Variants in IL1RAPL1 observed in about 807,000 individuals in gnomAD.
IL1RAPL1 encodes the protein interleukin 1 receptor accessory protein like 1.
A neutral mutation model predicts 48.4 loss-of-function variants in IL1RAPL1; 3 were observed. The observed-to-expected ratio is 0.06, with a 90% CI of 0.03 to 0.16. IL1RAPL1 has a LOEUF of 0.16. IL1RAPL1 is among the 10% of genes least tolerant of loss of function. The pLI is 1.00. For synonymous variants in IL1RAPL1, 185 were observed against 187.7 expected (o/e 0.99, Z 0.12); for missense variants, 349 against 530.6 (o/e 0.66, Z 3.36).
rs1236671207 is a variant in IL1RAPL1, at chrX:29,861,876, A to G, written c.779-55588A>G. ...AATCTAAAATGTTCAGTCTTGGTCC[A>G]ATAATAAACACACTCACTGAAACAC... On this transcript the variant is annotated intron_variant, in intron 6 of 10. Coordinates refer to ENST00000378993, the MANE Select transcript of IL1RAPL1 (RefSeq NM_014271.4). 4.5e-5 allele frequency among the ~76,000 whole-genome samples: 5 copies of G among 110,957 alleles called. No homozygotes were observed. In the East Asian group the frequency reaches 1.4e-3, roughly 31 times the overall value.
intron 1 of IL1RAPL1, among the ~76,000 whole-genome samples, chrX:28,654,779 T>C (rs1442819787): frequency 1.8e-5 from 2 of 112,232 alleles, no homozygotes; most frequent in Non-Finnish European, 3.8e-5. Flanking sequence ...AAACATTTTC[T>C]GTAATTAAAG....
Position 28,831,026 on chromosome X carries a change from CTGTGTGTGTGTGTG to C in IL1RAPL1, c.82+41639_82+41652del, listed in dbSNP as rs57923954. The stretch of plus-strand genomic sequence containing the variant: ...TCTCTCTCTCTCTCTCTCTCTCTCT[CTGTGTGTGTGTGTG>C]TGTGTGTGTGTGTGTGTGTGTGTGT... On this transcript the variant is annotated intron_variant, in intron 2 of 10. Coordinates refer to ENST00000378993, the MANE Select transcript of IL1RAPL1 (RefSeq NM_014271.4). Among the ~76,000 whole-genome samples the C allele has an allele frequency of 6.3e-3, 212 of 33,616 alleles. 2 individuals carry two copies. The highest frequency in any genetic ancestry group is 0.024 in the African/African-American group (158 of 6,626). 29.2% of individuals were successfully genotyped at this position (33,616 alleles called of 115,157 possible).
intron 6 of IL1RAPL1, among the ~76,000 whole-genome samples, chrX:29,778,665 A>G (rs1340632948): frequency 4.5e-5 from 5 of 112,172 alleles, no homozygotes; most frequent in African/African-American, 1.3e-4. Context: ...AAACTCTCCA[A>G]TGAGAATGTC....
intron 5 of IL1RAPL1, among the ~76,000 whole-genome samples, chrX:29,504,225 T>G (rs1365247553): frequency 9.0e-6 from 1 of 111,563 alleles, no homozygotes; most frequent in African/African-American, 3.3e-5. Flanking sequence ...TTTTCTGAAT[T>G]TGTTGAGGCT....
intron 5 of IL1RAPL1, among the ~76,000 whole-genome samples, chrX:29,449,780 C>CACACACACACACACACACAGAGAGAG (rs557765024): frequency 6.9e-5 from 4 of 58,247 alleles, no homozygotes; most frequent in South Asian, 1.2e-3. Context: ...CACACACACA[C>CACACACACACACACACACAGAGAGAG]AGAGAGAGAG....
At chrX:29,682,319 G>A (rs143341858) in intron 6 of IL1RAPL1, among the ~76,000 whole-genome samples, 369 of 110,679 alleles carry the variant, frequency 3.3e-3, no homozygotes, top group Non-Finnish European at 5.7e-3. Flanking sequence ...TTAAGCCCAC[G>A]CCACTGACCA....
chrX:29,798,172 T>C (rs1940778096), intron 6 of IL1RAPL1, among the ~76,000 whole-genome samples: 1 of 112,002 alleles, frequency 8.9e-6, no homozygotes, highest in Non-Finnish European at 1.9e-5. Flanking sequence ...TTATCAGGCC[T>C]GAGCCCCTCT....
At chrX:28,696,183 C>T (rs993910331) in intron 1 of IL1RAPL1, among the ~76,000 whole-genome samples, 4 of 111,112 alleles carry the variant, frequency 3.6e-5, no homozygotes, top group Middle Eastern at 4.6e-3. Context: ...TTCTCCCTCT[C>T]CATCCCTTTC....
At chrX:29,347,820 T>C (rs1244905411) in intron 3 of IL1RAPL1, among the ~76,000 whole-genome samples, 1 of 111,379 alleles carries the variant, frequency 9.0e-6, no homozygotes, top group African/African-American at 3.3e-5. Flanking sequence ...AAAATAGAGG[T>C]TACTTGAGCA....
At chrX:28,588,894 T>G (rs1952826344) in intron 1 of IL1RAPL1, among the ~76,000 whole-genome samples, 1 of 111,908 alleles carries the variant, frequency 8.9e-6, no homozygotes, top group Non-Finnish European at 1.9e-5. Context: ...GTCCTTTTAT[T>G]GCAATGCAGC....
At chrX:29,307,750 G>A (rs1295618829) in intron 3 of IL1RAPL1, among the ~76,000 whole-genome samples, 2 of 111,884 alleles carry the variant, frequency 1.8e-5, no homozygotes, top group African/African-American at 6.5e-5. Context: ...TATAGTAAGA[G>A]ACACAATCAA....
rs140020691 is a variant in IL1RAPL1, at chrX:28,957,430, C to T, written c.82+168005C>T. Among the ~76,000 whole-genome samples the T allele has an allele frequency of 2.6e-3, 287 of 111,365 alleles. 2 individuals are homozygous for T. The highest frequency in any genetic ancestry group is 8.5e-3 in the African/African-American group (261 of 30,704). On this transcript the variant is annotated intron_variant, in intron 2 of 10. Transcript: ENST00000378993. ...AAATATTTTAAGAATTTTAATCAAG[C>T]GCTTCTCAAGATATGATTAACTTCT...
intron 5 of IL1RAPL1, among the ~76,000 whole-genome samples, chrX:29,640,484 T>C (rs1925131966): frequency 8.9e-6 from 1 of 112,415 alleles, no homozygotes; most frequent in Admixed American, 9.4e-5. Flanking sequence ...CTTTGATGTC[T>C]ATGAGGTATC....
intron 5 of IL1RAPL1, among the ~76,000 whole-genome samples, chrX:29,540,459 A>C (rs941026200): frequency 1.8e-5 from 2 of 112,009 alleles, no homozygotes; most frequent in Non-Finnish European, 1.9e-5. Flanking sequence ...AACCAAAAAC[A>C]GCCTGAATAG....
chrX:28,968,804 G>A (rs984551376), intron 2 of IL1RAPL1, among the ~76,000 whole-genome samples: 1 of 112,856 alleles, frequency 8.9e-6, no homozygotes, highest in African/African-American at 3.2e-5. Context: ...TACACATATA[G>A]AGATGGGATG....
At chrX:29,116,241 AT>A (rs949828052) in intron 2 of IL1RAPL1, among the ~76,000 whole-genome samples, 1 of 111,099 alleles carries the variant, frequency 9.0e-6, no homozygotes, top group African/African-American at 3.3e-5. Context: ...GATTATGGAC[AT>A]TTTTCATCTG....
chrX:28,895,000 C>G (rs1298959222), intron 2 of IL1RAPL1, among the ~76,000 whole-genome samples: 3 of 110,517 alleles, frequency 2.7e-5, no homozygotes, highest in South Asian at 3.9e-4. Flanking sequence ...GCAGTACAGC[C>G]CAGGTGATTT....
intron 5 of IL1RAPL1, among the ~76,000 whole-genome samples, chrX:29,653,199 A>C (rs187557858): frequency 3.6e-4 from 40 of 112,288 alleles, no homozygotes; most frequent in African/African-American, 1.2e-3. Context: ...ATATTTTTTA[A>C]ATTAACTCTT....
chrX:29,529,925 T>C (rs1366140069), intron 5 of IL1RAPL1, among the ~76,000 whole-genome samples: 1 of 111,372 alleles, frequency 9.0e-6, no homozygotes, highest in East Asian at 2.8e-4. Context: ...TTCTGTAATT[T>C]TGAAGTTATT....
Sources: allele counts gnomAD v4.1 joint callset (sites outside exome capture counted in the v4.1 genomes callset), GRCh38; gene constraint gnomAD v4.1.1; transcripts MANE v1.5; gene names NCBI Gene and HGNC (gene_info 2026-07-23, HGNC 2026-07-21).